MTBP: variants seen among roughly 807,000 people sequenced by gnomAD.
MTBP encodes the protein MDM2 binding protein.
A neutral mutation model predicts 117.0 loss-of-function variants in MTBP; 101 were observed. The ratio of observed to expected loss-of-function variants is 0.86; its 90% CI spans 0.73 to 1.02. The LOEUF (loss-of-function observed/expected upper bound fraction) is 1.02. Among genes scored for constraint, MTBP ranks in the 50% least tolerant of loss-of-function variants. The pLI, the probability that MTBP is intolerant of heterozygous loss-of-function variation, is 0.00. For missense variants in MTBP, 970 were observed against 1,030.9 expected (o/e 0.94, Z 0.81); for synonymous variants, 350 against 351.5 (o/e 1.00, Z 0.05).
intron 5 of MTBP, among the ~76,000 whole-genome samples, chr8:120,454,497 C>T (rs1009036330): frequency 6.6e-6 from 1 of 151,802 alleles, no homozygotes; most frequent in African/African-American, 2.4e-5. Flanking sequence ...ATATTTGGTA[C>T]AGTTGGTATC....
At chr8:120,514,280 TA>T (rs1282467873) in intron 17 of MTBP, among the ~76,000 whole-genome samples, 1 of 151,942 alleles carries the variant, frequency 6.6e-6, no homozygotes, top group East Asian at 1.9e-4. Flanking sequence ...TGATTAACTA[TA>T]GTCCTTGTAC....
chr8:120,477,195 C>G (rs1813961061), intron 11 of MTBP, among the ~76,000 whole-genome samples: 1 of 152,078 alleles, frequency 6.6e-6, no homozygotes, highest in Non-Finnish European at 1.5e-5. Flanking sequence ...AACTGGCTAG[C>G]CATATGCAGA....
chr8:120,500,845 C>T (rs1257762272), intron 14 of MTBP, among the ~76,000 whole-genome samples: 1 of 151,362 alleles, frequency 6.6e-6, no homozygotes, highest in African/African-American at 2.4e-5. Flanking sequence ...TCACTTGAGG[C>T]CAGATGTTCG....
chr8:120,464,079 G>A (rs972016529), intron 10 of MTBP, among the ~76,000 whole-genome samples: 5 of 151,868 alleles, frequency 3.3e-5, no homozygotes, highest in African/African-American at 7.2e-5. Flanking sequence ...TTCAACATGC[G>A]ATTTCAATTT....
At chr8:120,473,710 C>T (rs367837375) in intron 11 of MTBP, 2 of 152,084 alleles carry the variant, frequency 1.3e-5, no homozygotes, top group East Asian at 1.9e-4. Flanking sequence ...CCCTTCTCAT[C>T]TCACAGGGAA....
At chr8:120,463,090 C>G (rs764742879) in intron 9 of MTBP, among the ~76,000 whole-genome samples, 2 of 151,904 alleles carry the variant, frequency 1.3e-5, no homozygotes, top group African/African-American at 2.4e-5. Flanking sequence ...CAGAGGACTT[C>G]CTGGTATATG....
intron 12 of MTBP, 23 bp from the exon 13 acceptor site, chr8:120,490,440 C>A: frequency 7.6e-7 from 1 of 1,321,596 alleles, no homozygotes; most frequent in Non-Finnish European, 1.1e-6. Flanking sequence ...TAATGTTGAC[C>A]TTTTTTTTTT....
chr8:120,461,336 C>T, intron 9 of MTBP, 81 bp downstream of exon 9: 1 of 943,534 alleles, frequency 1.1e-6, no homozygotes, highest in Admixed American at 2.1e-5. Context: ...GGTAAATATA[C>T]ATGTTAGGTA....
intron 11 of MTBP, among the ~76,000 whole-genome samples, chr8:120,486,698 T>A (rs1814224923): frequency 6.6e-6 from 1 of 152,128 alleles, no homozygotes; most frequent in African/African-American, 2.4e-5. Context: ...CCACAGCCGC[T>A]TGGATTGGAG....
chr8:120,495,726 T>C (rs1385661198), intron 13 of MTBP, among the ~76,000 whole-genome samples: 1 of 152,160 alleles, frequency 6.6e-6, no homozygotes, highest in Non-Finnish European at 1.5e-5. Flanking sequence ...ATGTTTCGTG[T>C]GCTTAATTTT....
intron 21 of MTBP, 22 bp from the exon 22 acceptor site, chr8:120,523,276 A>G: frequency 6.7e-7 from 1 of 1,493,224 alleles, no homozygotes; most frequent in South Asian, 1.3e-5. Flanking sequence ...ATCTTCTGTA[A>G]TCATATTTTT....
intron 14 of MTBP, among the ~76,000 whole-genome samples, chr8:120,500,144 T>G (rs1814553708): frequency 6.6e-6 from 1 of 152,196 alleles, no homozygotes. Context: ...CCTGTTGTGT[T>G]GGTTCTATTG....
At chr8:120,451,428 ACT>A (rs1484704902) in intron 4 of MTBP, 106 bp downstream of exon 4, 9 of 977,082 alleles carry the variant, frequency 9.2e-6, no homozygotes, top group Admixed American at 2.8e-5. Context: ...TACTGAAGAA[ACT>A]CTAGTTAATT....
intron 14 of MTBP, among the ~76,000 whole-genome samples, chr8:120,499,157 T>C (rs939833694): frequency 8.5e-5 from 13 of 152,234 alleles, no homozygotes; most frequent in Non-Finnish European, 8.8e-5. Context: ...TCATACTTAT[T>C]CTAGTACCAG....
chr8:120,477,645 T>TG (rs1813972989), intron 11 of MTBP, among the ~76,000 whole-genome samples: 1 of 150,484 alleles, frequency 6.6e-6, no homozygotes, highest in Admixed American at 6.6e-5. Context: ...AATAAACATA[T>TG]GAAAAAAAGC....
intron 4 of MTBP, chr8:120,452,035 A>G (rs1813368842): frequency 6.6e-6 from 1 of 152,106 alleles, no homozygotes; most frequent in Non-Finnish European, 1.5e-5. Flanking sequence ...ACCTTTTAAA[A>G]TCCATAGAGT....
At chr8:120,447,436 C>A (rs1417494089) in intron 2 of MTBP, among the ~76,000 whole-genome samples, 1 of 152,050 alleles carries the variant, frequency 6.6e-6, no homozygotes, top group Admixed American at 6.6e-5. Flanking sequence ...GAAAGATTTT[C>A]TTTGATTTGT....
chr8:120,490,479 A>G lies in MTBP; in HGVS notation c.1356A>G (p.Leu452=), dbSNP rs561414209. Residue 452 remains leucine (L), a synonymous_variant, in exon 13 of 22, where the codon TTA becomes TTG. Transcript: ENST00000305949. ...EEAKLSFPFD[L]LSLPHFSGEQ... is the part of the protein sequence containing the mutation. ...ATTTCTCAGGTTTTCCTTTTGACTTATTATCACTTCCACATTTTTCTGGGG... is the reference window on the plus strand; with the variant it reads ...ATTTCTCAGGTTTTCCTTTTGACTTGTTATCACTTCCACATTTTTCTGGGG... 2.4e-5 allele frequency: 39 copies of G among 1,600,996 alleles called. 1 individual carries two copies. In the South Asian group the frequency reaches 4.1e-4, roughly 17 times the overall value.
At chr8:120,458,594 C>T (rs1813518462) in intron 7 of MTBP, among the ~76,000 whole-genome samples, 1 of 152,016 alleles carries the variant, frequency 6.6e-6, no homozygotes, top group South Asian at 2.1e-4. Flanking sequence ...AATCCCAGCA[C>T]TTTGGGAGGC....
Sources: gnomAD v4.1 joint callset for allele counts (sites outside exome capture counted in the v4.1 genomes callset) on GRCh38, gnomAD v4.1.1 for gene constraint, MANE v1.5 for transcripts, NCBI Gene and HGNC (gene_info 2026-07-23, HGNC 2026-07-21) for gene names.